The following KPNA1 variants were observed in gnomAD, a reference collection of about 807,000 sequenced individuals.
The protein encoded by KPNA1 is importin subunit alpha-5.
A neutral mutation model predicts 70.5 loss-of-function variants in KPNA1; 10 were observed. The ratio of observed to expected loss-of-function variants is 0.14; its 90% CI spans 0.09 to 0.24. KPNA1 has a LOEUF of 0.24. Among genes scored for constraint, KPNA1 ranks in the 10% least tolerant of loss-of-function variants. The pLI is 1.00. For missense variants in KPNA1, 397 were observed against 637.9 expected (o/e 0.62, Z 4.07); for synonymous variants, 192 against 221.9 (o/e 0.87, Z 1.20).
chr3:122,440,931 T>C (rs2076054291), intron 10 of KPNA1, among the ~76,000 whole-genome samples: 1 of 152,190 alleles, frequency 6.6e-6, no homozygotes, highest in Non-Finnish European at 1.5e-5. Flanking sequence ...AGTAAATACA[T>C]TACAGTTAGA....
intron 9 of KPNA1, among the ~76,000 whole-genome samples, chr3:122,444,767 G>A (rs186077110): frequency 1.3e-5 from 2 of 152,316 alleles, no homozygotes; most frequent in African/African-American, 4.8e-5. Context: ...ACAGGGTCTG[G>A]AGTGGACCTC....
chr3:122,459,321 C>T, intron 5 of KPNA1: 1 of 579,864 alleles, frequency 1.7e-6, no homozygotes, highest in Non-Finnish European at 2.2e-6. Flanking sequence ...CATAAAAGAA[C>T]TACCACCTAA....
Position 122,424,481 on chromosome 3 carries a change from G to A in KPNA1, c.*2504C>T, listed in dbSNP as rs1454113284. 6.6e-6 allele frequency: 1 copy of A among 152,068 alleles called. No homozygotes were observed. Among genetic ancestry groups the A allele is most frequent in the Non-Finnish European group, 1.5e-5 (1 of 67,934 alleles). The allele number at this position is 152,068 out of a possible 1,614,324, so 9.4% of individuals were successfully genotyped here. A position where few individuals can be genotyped will look rare whatever the true frequency, so the allele number is the denominator to read the frequency against. On this transcript the variant is annotated 3_prime_UTR_variant, in exon 14 of 14. Transcript: ENST00000344337. The stretch of plus-strand genomic sequence containing the variant: ...TACTTTAAGAAAAAATCATTTTATT[G>A]TTAAAAAAGAAAAAAAAACTTAGAT...
intron 5 of KPNA1, chr3:122,457,947 G>C (rs1013625352): frequency 1.9e-6 from 2 of 1,061,162 alleles, no homozygotes; most frequent in African/African-American, 3.3e-5. Context: ...CAACTTTCCA[G>C]GAAAGGCAGA....
chr3:122,458,359 C>CT (rs2076286979), intron 5 of KPNA1, among the ~76,000 whole-genome samples: 1 of 152,184 alleles, frequency 6.6e-6, no homozygotes, highest in Non-Finnish European at 1.5e-5. Flanking sequence ...CCATTGTCTG[C>CT]TTCCAAAATC....
intron 11 of KPNA1, among the ~76,000 whole-genome samples, chr3:122,434,534 C>T (rs116616726): frequency 6.1e-4 from 93 of 152,234 alleles, no homozygotes; most frequent in African/African-American, 2.0e-3. Context: ...ATCATCTGCC[C>T]GCTATATCAA....
In KPNA1 at chr3:122,424,752, A is replaced by C. The variant is rs1480901946; in HGVS notation, c.*2233T>G. The C allele has an allele frequency of 6.6e-6, 1 of 152,668 alleles. No homozygotes were observed. Among genetic ancestry groups the C allele is most frequent in the Non-Finnish European group, 1.5e-5 (1 of 68,040 alleles). 9.5% of individuals were successfully genotyped at this position (152,668 alleles called of 1,614,324 possible). On this transcript the variant is annotated 3_prime_UTR_variant, in exon 14 of 14. Coordinates refer to ENST00000344337, the MANE Select transcript of KPNA1 (RefSeq NM_002264.4). ...ATTTTAACTATCCAATGGAAGGTAC[A>C]TAATTTAAAACATCCTATAGAAATG...
At chr3:122,450,803 C>G (rs1005186422) in intron 8 of KPNA1, among the ~76,000 whole-genome samples, 1 of 152,100 alleles carries the variant, frequency 6.6e-6, no homozygotes, top group Non-Finnish European at 1.5e-5. Context: ...TACTTGTATA[C>G]GCAGGTTTAT....
chr3:122,441,918 AG>A, intron 10 of KPNA1, 119 bp downstream of exon 10: 2 of 812,042 alleles, frequency 2.5e-6, no homozygotes, highest in Non-Finnish European at 4.2e-6. Context: ...TTTAAACATT[AG>A]TGTAACAGAG....
chr3:122,479,215 T>C (rs1281389841), intron 2 of KPNA1, among the ~76,000 whole-genome samples: 3 of 152,168 alleles, frequency 2.0e-5, no homozygotes, highest in African/African-American at 7.2e-5. Flanking sequence ...AAGACCTTTA[T>C]AGACACTTCA....
chr3:122,483,861 G>A (rs2076599130), intron 2 of KPNA1, among the ~76,000 whole-genome samples: 1 of 152,114 alleles, frequency 6.6e-6, no homozygotes. Context: ...ATAGATGAGG[G>A]ATTAGTTTTT....
intron 2 of KPNA1, among the ~76,000 whole-genome samples, chr3:122,491,836 G>C (rs1336520271): frequency 1.4e-5 from 2 of 143,826 alleles, no homozygotes; most frequent in Non-Finnish European, 3.0e-5. Flanking sequence ...GCAAAGCAAT[G>C]CTTTGACCAT....
At position 122,427,142 on chromosome 3, in the gene KPNA1, T is replaced by C; in HGVS notation, c.1460A>G (p.His487Arg). The change falls in exon 14 of 14, where the codon CAT becomes CGT. Residue 487 changes from histidine (H) to arginine (R), a missense_variant. By Grantham distance (29) the His-to-Arg change is conservative. Transcript: ENST00000344337. ...CTTTTGGTAGATCTCCTGGTTTTCA[T>C]GACTCTGTAAGAACTCAATTTTATC... ...GLDKIEFLQS[H>R]ENQEIYQKAF... 1 of 1,614,104 alleles carries C rather than the reference T, an allele frequency of 6.2e-7. No homozygotes were observed. Among genetic ancestry groups the C allele is most frequent in the Non-Finnish European group, 8.5e-7 (1 of 1,179,966 alleles).
intron 2 of KPNA1, among the ~76,000 whole-genome samples, chr3:122,481,588 C>G (rs1330604170): frequency 6.6e-6 from 1 of 152,150 alleles, no homozygotes; most frequent in African/African-American, 2.4e-5. Context: ...CTAAAATGTT[C>G]TAAAATTGGT....
At chr3:122,490,730 T>G (rs1017815785) in intron 2 of KPNA1, among the ~76,000 whole-genome samples, 3 of 152,220 alleles carry the variant, frequency 2.0e-5, no homozygotes, top group African/African-American at 7.2e-5. Flanking sequence ...TGCAAAAAGG[T>G]AATTTGCTAT....
intron 9 of KPNA1, among the ~76,000 whole-genome samples, chr3:122,443,490 C>A (rs575232374): frequency 6.6e-6 from 1 of 152,188 alleles, no homozygotes; most frequent in African/African-American, 2.4e-5. Flanking sequence ...TGAGAATGGA[C>A]AGACTACCTC....
chr3:122,493,389 A>G (rs1211091146), intron 2 of KPNA1, among the ~76,000 whole-genome samples: 1 of 151,710 alleles, frequency 6.6e-6, no homozygotes, highest in Non-Finnish European at 1.5e-5. Context: ...GCTCCCAGCC[A>G]TATCTACAAC....
chr3:122,433,914 A>G (rs1427410129), intron 11 of KPNA1, 126 bp from the exon 12 acceptor site: 2 of 742,212 alleles, frequency 2.7e-6, no homozygotes, highest in Non-Finnish European at 4.2e-6. Flanking sequence ...ATAAATTGAA[A>G]AGAGTTATGT....
At chr3:122,511,380 AAGG>A (rs549357458) in intron 1 of KPNA1, among the ~76,000 whole-genome samples, 1 of 152,344 alleles carries the variant, frequency 6.6e-6, no homozygotes, top group Admixed American at 6.5e-5. Context: ...TGTTAATATG[AAGG>A]AGATTATCTC....
Sources: gnomAD v4.1 joint callset for allele counts (sites outside exome capture counted in the v4.1 genomes callset) on GRCh38, gnomAD v4.1.1 for gene constraint, MANE v1.5 for transcripts, NCBI Gene and HGNC (gene_info 2026-07-23, HGNC 2026-07-21) for gene names.